The following RAB38 variants were observed in gnomAD, a reference collection of about 807,000 sequenced individuals.
The protein encoded by RAB38 is RAB38, member RAS oncogene family.
A neutral mutation model predicts 18.4 loss-of-function variants in RAB38; 15 were observed. The observed-to-expected ratio is 0.82, with a 90% CI of 0.55 to 1.26. The LOEUF is 1.26. Ranked by LOEUF, RAB38 falls within the 50% of genes most tolerant of loss-of-function variation. The probability of loss-of-function intolerance (pLI) is 0.00; values close to 1 mark genes in which losing one functional copy is unlikely to be tolerated. For synonymous variants in RAB38, 101 were observed against 104.4 expected (o/e 0.97, Z 0.20); for missense variants, 294 against 267.4 (o/e 1.10, Z -0.69).
At chr11:87,905,225 T>C in the RAB38 span, among the ~76,000 whole-genome samples, 1 of 151,914 alleles carries the variant, frequency 6.6e-6, no homozygotes, top group Non-Finnish European at 1.5e-5. Flanking sequence ...TCTCATAATT[T>C]GTATTTTTCT....
At chr11:87,976,694 A>G in the RAB38 span, among the ~76,000 whole-genome samples, 1 of 52,698 alleles carries the variant, frequency 1.9e-5, no homozygotes, top group Non-Finnish European at 3.7e-5. Flanking sequence ...TATATTTACA[A>G]TATATTTTTA....
the RAB38 span, among the ~76,000 whole-genome samples, chr11:87,954,234 G>A: frequency 6.6e-6 from 1 of 152,136 alleles, no homozygotes; most frequent in African/African-American, 2.4e-5. Flanking sequence ...GTGAGAGGAC[G>A]ATGCATCCAC....
chr11:88,035,986 A>T, the RAB38 span, among the ~76,000 whole-genome samples: 1 of 152,162 alleles, frequency 6.6e-6, no homozygotes. Flanking sequence ...ATGAGCAAAA[A>T]ATAATAAAAT....
the RAB38 span, among the ~76,000 whole-genome samples, chr11:87,967,196 G>C: frequency 6.6e-6 from 1 of 152,118 alleles, no homozygotes; most frequent in African/African-American, 2.4e-5. Flanking sequence ...AGAAGCATTT[G>C]TATCTAAATT....
the RAB38 span, among the ~76,000 whole-genome samples, chr11:87,810,923 G>C: frequency 6.6e-6 from 1 of 152,158 alleles, no homozygotes; most frequent in Non-Finnish European, 1.5e-5. Context: ...AGGCAGAAGA[G>C]ATTGAGGCGA....
At chr11:87,955,079 A>C in the RAB38 span, among the ~76,000 whole-genome samples, 2 of 152,230 alleles carry the variant, frequency 1.3e-5, no homozygotes, top group East Asian at 3.9e-4. Context: ...GGGAGCTGCA[A>C]AGCAGCTGTG....
the RAB38 span, among the ~76,000 whole-genome samples, chr11:87,966,484 TATAA>T: frequency 6.6e-6 from 1 of 152,150 alleles, no homozygotes; most frequent in Non-Finnish European, 1.5e-5. Context: ...TGACAGGGGA[TATAA>T]ATATATATTT....
the RAB38 span, among the ~76,000 whole-genome samples, chr11:88,065,156 C>T: frequency 6.6e-6 from 1 of 152,180 alleles, no homozygotes; most frequent in African/African-American, 2.4e-5. Context: ...TGGTGTTCAT[C>T]TTCTAGCTCC....
At chr11:88,114,480 C>T (rs1201588265) in intron 2 of RAB38, among the ~76,000 whole-genome samples, 1 of 152,166 alleles carries the variant, frequency 6.6e-6, no homozygotes, top group Non-Finnish European at 1.5e-5. Context: ...TTTAATCTGA[C>T]TTAGATTTAT....
chr11:88,112,941 T>C (rs1942493781), downstream of RAB38, among the ~76,000 whole-genome samples: 1 of 152,176 alleles, frequency 6.6e-6, no homozygotes, highest in Non-Finnish European at 1.5e-5. Flanking sequence ...CATATTTTAT[T>C]GTTTCTTTTT....
rs1381304764 is a variant in RAB38, at chr11:88,121,556, C to G, written c.484-7416G>C. 2.6e-5 allele frequency among the ~76,000 whole-genome samples: 4 copies of G among 152,254 alleles called. No individual in the cohort carries two copies. In the East Asian group the frequency reaches 7.7e-4, roughly 29 times the overall value. ...AAAGCCCGACTCAAGAACAGAGCCC[C>G]TGCTGCTCTTTTTTTGTTTTTTGTG... On this transcript the variant is annotated intron_variant, in intron 2 of 2. Transcript: ENST00000243662.
chr11:87,872,027 C>A, the RAB38 span, among the ~76,000 whole-genome samples: 1 of 151,442 alleles, frequency 6.6e-6, no homozygotes, highest in Non-Finnish European at 1.5e-5. Flanking sequence ...GAGTCATAGG[C>A]TCAGCTTTAT....
At chr11:87,927,486 T>C in the RAB38 span, among the ~76,000 whole-genome samples, 386 of 152,080 alleles carry the variant, frequency 2.5e-3, no homozygotes, top group African/African-American at 8.9e-3. Context: ...CTTTGTTAAA[T>C]TGCCAATCCA....
the RAB38 span, among the ~76,000 whole-genome samples, chr11:87,861,271 G>C: frequency 6.6e-6 from 1 of 151,928 alleles, no homozygotes; most frequent in East Asian, 1.9e-4. Flanking sequence ...AGGTTACACA[G>C]TTCCGACTGA....
the RAB38 span, among the ~76,000 whole-genome samples, chr11:87,962,573 T>TC: frequency 6.6e-6 from 1 of 152,094 alleles, no homozygotes. Flanking sequence ...AATTGATATA[T>TC]CCTCAGTTTC....
chr11:87,962,835 T>C, the RAB38 span, among the ~76,000 whole-genome samples: 1,045 of 152,300 alleles, frequency 6.9e-3, 10 homozygotes, highest in African/African-American at 0.024. Flanking sequence ...AATAAGTATT[T>C]CAAGTGATGG....
chr11:88,100,939 G>A, the RAB38 span, among the ~76,000 whole-genome samples: 2 of 151,944 alleles, frequency 1.3e-5, no homozygotes, highest in Non-Finnish European at 2.9e-5. Flanking sequence ...CTAGGGAATA[G>A]GATGATCTTT....
chr11:87,953,890 G>T, the RAB38 span, among the ~76,000 whole-genome samples: 1 of 150,248 alleles, frequency 6.7e-6, no homozygotes, highest in African/African-American at 2.4e-5. Flanking sequence ...TTGTCAGGTT[G>T]AACAATTTCG....
At chr11:87,953,859 T>G in the RAB38 span, among the ~76,000 whole-genome samples, 2 of 152,092 alleles carry the variant, frequency 1.3e-5, no homozygotes, top group Non-Finnish European at 2.9e-5. Flanking sequence ...TTTAGTGTTT[T>G]TTTTTTTTTC....
Sources: gnomAD v4.1 joint callset for allele counts (sites outside exome capture counted in the v4.1 genomes callset) on GRCh38, gnomAD v4.1.1 for gene constraint, MANE v1.5 for transcripts, NCBI Gene and HGNC (gene_info 2026-07-23, HGNC 2026-07-21) for gene names.